Variants in BCLAF3 observed in about 807,000 individuals in gnomAD.
BCLAF3 encodes BCLAF1 and THRAP3 family member 3.
In BCLAF3, 24 loss-of-function variants were observed where a neutral mutation model predicts 51.2. The ratio of observed to expected loss-of-function variants is 0.47; its 90% CI spans 0.34 to 0.66. The LOEUF (loss-of-function observed/expected upper bound fraction) is 0.66, where lower values mean the gene tolerates loss of function less well. Ranked by LOEUF, BCLAF3 falls within the 30% of genes least tolerant of loss-of-function variation. The pLI, the probability that BCLAF3 is intolerant of heterozygous loss-of-function variation, is 0.01. For missense variants in BCLAF3, 465 were observed against 525.1 expected (o/e 0.89, Z 1.12); for synonymous variants, 152 against 176.6 (o/e 0.86, Z 1.10).
chrX:19,957,753 C>T (rs2071717266), intron 4 of BCLAF3, among the ~76,000 whole-genome samples: 1 of 111,522 alleles, frequency 9.0e-6, no homozygotes, highest in African/African-American at 3.3e-5. Context: ...ACTACAAGAT[C>T]TTTAATAAAA....
At position 19,966,076 on chromosome X, in the gene BCLAF3, A is replaced by G. The variant is rs565171499; in HGVS notation, c.611+4T>C. On this transcript the variant is annotated splice_donor_region_variant and intron_variant, in intron 3 of 11. Transcript: ENST00000379682. The stretch of plus-strand genomic sequence containing the variant: ...AATTACCCAGGTTTAATGTTTTCCT[A>G]TACCTCTTCTGAAATGAGCTCCTTG... 212 of 1,197,926 alleles carry G rather than the reference A, an allele frequency of 1.8e-4. No individual in the cohort carries two copies. The South Asian group carries it at 3.6e-3, about 20-fold the overall frequency.
intron 10 of BCLAF3, among the ~76,000 whole-genome samples, chrX:19,934,015 AT>A (rs1321852211): frequency 9.0e-6 from 1 of 111,310 alleles, no homozygotes; most frequent in African/African-American, 3.3e-5. Flanking sequence ...ACCTCAAGTG[AT>A]CCACCCGTCT....
At chrX:19,935,628 T>G (rs1359722675) in intron 10 of BCLAF3, 181 bp downstream of exon 10, 9 of 416,628 alleles carry the variant, frequency 2.2e-5, no homozygotes, top group African/African-American at 5.0e-5. Context: ...GAAAATCAAG[T>G]CCTAAGGAAA....
At chrX:19,970,412 T>C in intron 1 of BCLAF3, 114 bp from the exon 2 acceptor site, 1 of 557,947 alleles carries the variant, frequency 1.8e-6, no homozygotes, top group Admixed American at 2.8e-5. Context: ...TCCTCATCTC[T>C]AACATGGAAA....
At chrX:19,920,121 G>A (rs1368330120) in intron 11 of BCLAF3, among the ~76,000 whole-genome samples, 1 of 111,292 alleles carries the variant, frequency 9.0e-6, no homozygotes, top group African/African-American at 3.3e-5. Flanking sequence ...TCAGCCCCCA[G>A]TAGAAACTCT....
rs187059336 is a variant in BCLAF3 at position 19,966,046 on chromosome X, T to C, written c.611+34A>G. On this transcript the variant is annotated intron_variant, in intron 3 of 11. Coordinates refer to ENST00000379682, the MANE Select transcript of BCLAF3 (RefSeq NM_001367774.2). ...ACAGATCTTTTCACTTGAGGCTTTA[T>C]ACCAAATTACCCAGGTTTAATGTTT... 23 of 1,122,866 alleles carry C rather than the reference T, an allele frequency of 2.0e-5. No homozygotes were observed. In the Admixed American group the frequency reaches 5.1e-4, roughly 25 times the overall value. The allele number at this position is 1,122,866 out of a possible 1,213,427, so 92.5% of individuals were successfully genotyped here. A position where few individuals can be genotyped will look rare whatever the true frequency, so the allele number is the denominator to read the frequency against.
chrX:19,984,750 A>G (rs1216383919), intron 1 of BCLAF3, among the ~76,000 whole-genome samples: 1 of 110,575 alleles, frequency 9.0e-6, no homozygotes, highest in East Asian at 2.8e-4. Flanking sequence ...CAATGGCACA[A>G]TCTCGGCTCA....
chrX:19,925,604 C>A (rs906100235), intron 11 of BCLAF3, among the ~76,000 whole-genome samples: 2 of 111,244 alleles, frequency 1.8e-5, no homozygotes, highest in Admixed American at 1.9e-4. Context: ...TAAGGAAGAA[C>A]CTTCAAAGTT....
chrX:19,921,066 T>TA (rs2070138723), intron 11 of BCLAF3, among the ~76,000 whole-genome samples: 1 of 111,323 alleles, frequency 9.0e-6, no homozygotes, highest in African/African-American at 3.3e-5. Flanking sequence ...GAAAATACAG[T>TA]ATGCTCCAAA....
chrX:19,952,180 TTGA>T (rs1439387702), intron 7 of BCLAF3, among the ~76,000 whole-genome samples: 1 of 111,909 alleles, frequency 8.9e-6, no homozygotes, highest in African/African-American at 3.2e-5. Context: ...GTATAGGACT[TTGA>T]TGATTAGAAA....
At chrX:19,964,931 C>T in intron 4 of BCLAF3, 113 bp downstream of exon 4, 1 of 634,888 alleles carries the variant, frequency 1.6e-6, no homozygotes, top group Non-Finnish European at 2.2e-6. Flanking sequence ...AAATTCTTGG[C>T]AATCCCTCCC....
chrX:19,974,297 G>A (rs933058584), intron 1 of BCLAF3, among the ~76,000 whole-genome samples: 2 of 112,141 alleles, frequency 1.8e-5, no homozygotes, highest in African/African-American at 6.5e-5. Flanking sequence ...GCAATTCCAT[G>A]CAGGAATATA....
chrX:19,928,988 A>G (rs1269447318), intron 11 of BCLAF3: 1 of 112,005 alleles, frequency 8.9e-6, no homozygotes, highest in Non-Finnish European at 1.9e-5. Flanking sequence ...AATACGTTCA[A>G]AAGATGTATT....
intron 4 of BCLAF3, 26 bp downstream of exon 4, chrX:19,965,018 T>C (rs1235969184): frequency 9.4e-7 from 1 of 1,068,815 alleles, no homozygotes. Flanking sequence ...TTATTAAATA[T>C]CATAAAGAAA....
At chrX:19,971,122 C>T (rs916060962) in intron 1 of BCLAF3, among the ~76,000 whole-genome samples, 36 of 112,005 alleles carry the variant, frequency 3.2e-4, no homozygotes, top group African/African-American at 1.0e-3. Flanking sequence ...CAGGGTTTTG[C>T]TCTTTCTCCC....
chrX:19,973,135 C>T (rs2072309280), intron 1 of BCLAF3, among the ~76,000 whole-genome samples: 2 of 111,882 alleles, frequency 1.8e-5, no homozygotes, highest in Admixed American at 1.9e-4. Flanking sequence ...TCCTCACCAA[C>T]ACTTACTATA....
chrX:19,935,523 C>A, intron 10 of BCLAF3: 1 of 245,874 alleles, frequency 4.1e-6, no homozygotes. Flanking sequence ...TTGCCTGTCT[C>A]CCCACCTAGA....
chrX:19,949,773 T>A (rs1330150812), intron 8 of BCLAF3, among the ~76,000 whole-genome samples: 1 of 112,411 alleles, frequency 8.9e-6, no homozygotes, highest in Non-Finnish European at 1.9e-5. Flanking sequence ...TCTTAGCAAT[T>A]TGATAGAAAA....
chrX:19,920,390 T>C (rs903715013), intron 11 of BCLAF3, among the ~76,000 whole-genome samples: 1 of 111,920 alleles, frequency 8.9e-6, no homozygotes, highest in African/African-American at 3.2e-5. Flanking sequence ...TAGGGACCCC[T>C]GACACAATGG....
Sources: allele counts gnomAD v4.1 joint callset (sites outside exome capture counted in the v4.1 genomes callset), GRCh38; gene constraint gnomAD v4.1.1; transcripts MANE v1.5; gene names NCBI Gene and HGNC (gene_info 2026-07-23, HGNC 2026-07-21).